The following CD72 variants were observed in gnomAD, a reference collection of about 807,000 sequenced individuals.
CD72 encodes B-cell differentiation antigen CD72.
In CD72, 28 loss-of-function variants were observed where a neutral mutation model predicts 50.7. That is an observed-to-expected ratio of 0.55 (90% CI 0.41 to 0.76). The LOEUF is 0.76. CD72 is among the 30% of genes least tolerant of loss of function. CD72 has a pLI of 0.00. For missense variants in CD72, 403 were observed against 420.6 expected (o/e 0.96, Z 0.37); for synonymous variants, 176 against 171.2 (o/e 1.03, Z -0.22).
chr9:35,618,177 G>C lies in CD72; in HGVS notation c.82+45C>G, dbSNP rs774411100. 2.5e-6 allele frequency: 4 copies of C among 1,605,610 alleles called. No individual in the cohort carries two copies. In the Admixed American group the frequency reaches 5.0e-5, roughly 20 times the overall value. On this transcript the variant is annotated intron_variant, in intron 1 of 8. Transcript: ENST00000259633. ...GATTTGGGAATGGGATCTGTGGGGC[G>C]GGAAGTGGGGATGCAGGATCAAGGG...
In CD72 at chr9:35,632,579, C is replaced by CT. The variant is rs72487368; in HGVS notation, n.408+13823dup. 2.0e-3 allele frequency among the ~76,000 whole-genome samples: 276 copies of CT among 139,980 alleles called. 1 individual carries two copies. Among genetic ancestry groups the CT allele is most frequent in the Middle Eastern group, 0.011 (3 of 274 alleles). The allele number at this position is 139,980 out of a possible 152,430, so 91.8% of individuals were successfully genotyped here. A position where few individuals can be genotyped will look rare whatever the true frequency, so the allele number is the denominator to read the frequency against. ...GCTTGCAAGAGGTTTATTTTATTAG[C>CT]TTTTTTTTTTTTTTCGAGAGGGAGC... On this transcript the variant is annotated intron_variant and non_coding_transcript_variant, in intron 1 of 3. Transcript: ENST00000465754.
intron 1 of CD72, among the ~76,000 whole-genome samples, chr9:35,642,292 C>T (rs1158340047): frequency 6.6e-6 from 1 of 152,174 alleles, no homozygotes; most frequent in African/African-American, 2.4e-5. Context: ...AGTGCACAGT[C>T]GCAGCACTGG....
intron 1 of CD72, among the ~76,000 whole-genome samples, chr9:35,629,879 C>A (rs1321561883): frequency 6.6e-6 from 1 of 152,176 alleles, no homozygotes; most frequent in Non-Finnish European, 1.5e-5. Context: ...TTATGTCAGC[C>A]CACTTTCTCC....
At chr9:35,638,798 A>G (rs1442983806) in intron 1 of CD72, among the ~76,000 whole-genome samples, 1 of 151,732 alleles carries the variant, frequency 6.6e-6, no homozygotes, top group Non-Finnish European at 1.5e-5. Flanking sequence ...AGGACCCCCA[A>G]AGGAACTATC....
At chr9:35,621,312 AGAG>A (rs563413067), upstream of CD72, among the ~76,000 whole-genome samples, 90 of 152,136 alleles carry the variant, frequency 5.9e-4, no homozygotes, top group Non-Finnish European at 1.0e-3. Flanking sequence ...ACGGTTGACA[AGAG>A]GAGGGGGCCC....
intron 1 of CD72, among the ~76,000 whole-genome samples, chr9:35,637,514 G>GCCTCTCTTGCTACCCTTCAATCTC (rs1363453318): frequency 4.6e-4 from 70 of 152,208 alleles, no homozygotes; most frequent in Non-Finnish European, 7.9e-4. Flanking sequence ...CTCTTCTCCA[G>GCCTCTCTTGCTACCCTTCAATCTC]CCTCTCTTGC....
At chr9:35,610,945 C>G (rs757465006) in intron 7 of CD72, among the ~76,000 whole-genome samples, 192 bp from the exon 8 acceptor site, 1 of 152,164 alleles carries the variant, frequency 6.6e-6, no homozygotes, top group African/African-American at 2.4e-5. Context: ...AAAAATAACT[C>G]GAGATCTTAA....
chr9:35,625,061 A>T (rs1402989050), intron 1 of CD72, among the ~76,000 whole-genome samples: 2 of 152,204 alleles, frequency 1.3e-5, no homozygotes, highest in Non-Finnish European at 2.9e-5. Flanking sequence ...TACAAGTGAA[A>T]GGAAGAGTTG....
intron 1 of CD72, among the ~76,000 whole-genome samples, chr9:35,626,589 A>T (rs1441069388): frequency 6.6e-6 from 1 of 152,210 alleles, no homozygotes; most frequent in East Asian, 1.9e-4. Context: ...CTTTCGTGAA[A>T]AGAATCAATG....
chr9:35,616,067 G>A lies in CD72; in HGVS notation c.564C>T (p.Cys188=), dbSNP rs1323232449. Residue 188 remains cysteine, a synonymous_variant, in exon 5 of 9, where the codon TGC becomes TGT. Transcript: ENST00000259633. ...CCTTCGTCTTCTGTCTGTCTGCCTG[G>A]CAGGCCTGTAGCTGCCCTTCGGCCG... is the stretch of plus-strand genomic sequence containing the variant. ...HQAAEGQLQA[C]QADRQKTKET... The A allele has an allele frequency of 6.2e-7, 1 of 1,614,036 alleles. No individual in the cohort carries two copies. Among genetic ancestry groups the A allele is most frequent in the Admixed American group, 1.7e-5 (1 of 60,006 alleles).
chr9:35,638,428 A>G (rs562187205), intron 1 of CD72, among the ~76,000 whole-genome samples: 41 of 151,932 alleles, frequency 2.7e-4, no homozygotes, highest in Middle Eastern at 3.4e-3. Context: ...CCTCACACCC[A>G]GTCTGGCTTA....
chr9:35,645,309 C>T (rs184982277), intron 1 of CD72, among the ~76,000 whole-genome samples: 54 of 150,586 alleles, frequency 3.6e-4, no homozygotes, highest in African/African-American at 1.3e-3. Flanking sequence ...GTCATTAAGA[C>T]TCGGTCTGGG....
chr9:35,610,037 G>T lies in CD72; in HGVS notation c.*286C>A. 1 of 360,832 alleles carries T rather than the reference G, an allele frequency of 2.8e-6. No homozygotes were observed. The highest frequency in any genetic ancestry group is 5.0e-6 in the Non-Finnish European group (1 of 199,904). 22.4% of individuals were successfully genotyped at this position (360,832 alleles called of 1,614,324 possible). ...GGCTGGCTCCGGGCCGCCCCTATCC[G>T]CTCAGCCCGTGCGCCCTCCTCCCCC... is the stretch of plus-strand genomic sequence containing the variant. On this transcript the variant is annotated 3_prime_UTR_variant, in exon 9 of 9. Transcript: ENST00000259633.
At chr9:35,644,017 A>G (rs1175689884) in intron 1 of CD72, among the ~76,000 whole-genome samples, 1 of 150,564 alleles carries the variant, frequency 6.6e-6, no homozygotes, top group Non-Finnish European at 1.5e-5. Flanking sequence ...TGTAGAAGGC[A>G]CTTTAGAACG....
At chr9:35,621,628 TAG>T (rs1491343476), upstream of CD72, among the ~76,000 whole-genome samples, 9 of 152,314 alleles carry the variant, frequency 5.9e-5, no homozygotes, top group Admixed American at 2.6e-4. Flanking sequence ...GTCCTTTAGA[TAG>T]AGAGATTATC....
chr9:35,641,520 G>A (rs1277231875), intron 1 of CD72, among the ~76,000 whole-genome samples: 1 of 151,920 alleles, frequency 6.6e-6, no homozygotes, highest in Non-Finnish European at 1.5e-5. Flanking sequence ...TTTGGTGAAG[G>A]GTTTAAAGTA....
At chr9:35,628,805 C>T (rs1371767085) in intron 1 of CD72, among the ~76,000 whole-genome samples, 1 of 152,256 alleles carries the variant, frequency 6.6e-6, no homozygotes, top group Non-Finnish European at 1.5e-5. Context: ...GCATGTTCTA[C>T]ACTGGCTCTC....
rs550066969 is a variant in CD72, at chr9:35,630,710, T to C, written n.409-12589A>G. On this transcript the variant is annotated intron_variant and non_coding_transcript_variant, in intron 1 of 3. Transcript: ENST00000465754. ...CTGAGATTTTACCAGCTATTAATAG[T>C]AATCTGGGGCTAAATCACTTAATCT... 6.2e-4 allele frequency among the ~76,000 whole-genome samples: 95 copies of C among 152,302 alleles called. 2 individuals are homozygous for C. The highest frequency in any genetic ancestry group is 2.2e-3 in the African/African-American group (91 of 41,568).
chr9:35,624,671 T>G (rs181727081), intron 1 of CD72, among the ~76,000 whole-genome samples: 2 of 152,132 alleles, frequency 1.3e-5, no homozygotes, highest in Non-Finnish European at 2.9e-5. Context: ...AGATACTGAG[T>G]TTTTTACAGG....
Sources: gnomAD v4.1 joint callset for allele counts (sites outside exome capture counted in the v4.1 genomes callset) on GRCh38, gnomAD v4.1.1 for gene constraint, MANE v1.5 for transcripts, NCBI Gene and HGNC (gene_info 2026-07-23, HGNC 2026-07-21) for gene names.